The following IQCM variants were observed in gnomAD, a reference collection of about 807,000 sequenced individuals.
IQCM encodes the protein IQ domain-containing protein M.
Under a neutral mutation model 57.6 loss-of-function variants are expected in IQCM, and 45 were observed. That is an observed-to-expected ratio of 0.78 (90% CI 0.62 to 1.00). The LOEUF is 1.00. IQCM is among the 50% of genes least tolerant of loss of function. The probability of loss-of-function intolerance (pLI) is 0.00; values close to 1 mark genes in which losing one functional copy is unlikely to be tolerated. For missense variants in IQCM, 468 were observed against 511.6 expected (o/e 0.91, Z 0.82); for synonymous variants, 148 against 158.9 (o/e 0.93, Z 0.51).
intron 7 of IQCM, among the ~76,000 whole-genome samples, chr4:149,654,086 T>C (rs2150139498): frequency 6.6e-6 from 1 of 152,336 alleles, no homozygotes; most frequent in East Asian, 1.9e-4. Flanking sequence ...CGGATACGAA[T>C]ATCCTCATTC....
At chr4:149,583,052 C>T (rs913011432) in intron 9 of IQCM, among the ~76,000 whole-genome samples, 1 of 151,468 alleles carries the variant, frequency 6.6e-6, no homozygotes, top group East Asian at 1.9e-4. Context: ...GTACCATATG[C>T]CACTATATCA....
chr4:149,746,833 G>A (rs188273058), intron 2 of IQCM, among the ~76,000 whole-genome samples: 14 of 152,212 alleles, frequency 9.2e-5, no homozygotes, highest in East Asian at 3.9e-4. Flanking sequence ...GCAAGAGTTC[G>A]TGCCTCCCTC....
intron 13 of IQCM, among the ~76,000 whole-genome samples, chr4:149,411,312 T>C (rs1028991706): frequency 1.3e-5 from 2 of 152,122 alleles, no homozygotes; most frequent in Admixed American, 1.3e-4. Flanking sequence ...GAAAACAGAA[T>C]TGTTTAACAG....
chr4:149,610,493 A>G (rs2150051685), intron 8 of IQCM, among the ~76,000 whole-genome samples: 1 of 152,244 alleles, frequency 6.6e-6, no homozygotes, highest in Admixed American at 6.5e-5. Context: ...AGCTATGGTA[A>G]CATAAACAGC....
intron 12 of IQCM, among the ~76,000 whole-genome samples, chr4:149,540,298 T>C (rs1402632606): frequency 1.3e-5 from 2 of 149,180 alleles, no homozygotes; most frequent in African/African-American, 5.0e-5. Context: ...TAAAGTGATC[T>C]AGTATGTGGG....
chr4:149,789,130 A>G lies in IQCM; in HGVS notation c.-49+26181T>C, dbSNP rs566815378. 2.6e-5 allele frequency among the ~76,000 whole-genome samples: 4 copies of G among 152,338 alleles called. No homozygotes were observed. The South Asian group carries it at 6.2e-4, about 24-fold the overall frequency. On this transcript the variant is annotated intron_variant, in intron 2 of 13. Transcript: ENST00000636793. ...TTAACAACAATGTATGGTATATTTCAAAATGGCTAGAAGAGAGGGCTTAAA... is the reference window on the plus strand; with the variant it reads ...TTAACAACAATGTATGGTATATTTCGAAATGGCTAGAAGAGAGGGCTTAAA...
intron 9 of IQCM, among the ~76,000 whole-genome samples, chr4:149,580,580 T>C (rs1404628361): frequency 6.6e-6 from 1 of 151,872 alleles, no homozygotes; most frequent in Non-Finnish European, 1.5e-5. Flanking sequence ...GTAGGCAATT[T>C]TCAAGGTTCT....
chr4:149,439,598 G>A (rs951179645), intron 12 of IQCM, among the ~76,000 whole-genome samples: 2 of 151,910 alleles, frequency 1.3e-5, no homozygotes, highest in Admixed American at 6.6e-5. Context: ...TCTGTGTACT[G>A]GAAATAATAC....
At position 149,476,587 on chromosome 4, in the gene IQCM, T is replaced by C. The variant is rs188051331; in HGVS notation, c.1229-43030A>G. Among the ~76,000 whole-genome samples, 18 of 152,228 alleles carry C rather than the reference T, an allele frequency of 1.2e-4. No homozygotes were observed. The East Asian group carries it at 3.5e-3, about 29-fold the overall frequency. On this transcript the variant is annotated intron_variant, in intron 12 of 13. Coordinates refer to ENST00000636793, the MANE Select transcript of IQCM (RefSeq NM_001363507.2). ...CTTGTAAAAGTAATAGAAGTTTGTA[T>C]TAATACATTCTTTGTAAACTGGAAA...
chr4:149,494,612 G>T (rs1742455982), intron 12 of IQCM, among the ~76,000 whole-genome samples: 1 of 152,012 alleles, frequency 6.6e-6, no homozygotes, highest in African/African-American at 2.4e-5. Context: ...AATAAAACAG[G>T]GCAAGCCTTC....
At chr4:149,752,494 G>A (rs2149938733) in intron 2 of IQCM, among the ~76,000 whole-genome samples, 2 of 149,870 alleles carry the variant, frequency 1.3e-5, no homozygotes, top group Middle Eastern at 6.9e-3. Context: ...AGAGGTTCTA[G>A]TGAGCCGAGA....
chr4:149,606,181 T>C (rs981019721), intron 8 of IQCM, among the ~76,000 whole-genome samples: 1 of 151,952 alleles, frequency 6.6e-6, no homozygotes, highest in South Asian at 2.1e-4. Context: ...ATAATGCCAT[T>C]TGTGATGGCC....
chr4:149,497,088 T>C (rs1742734684), intron 12 of IQCM, among the ~76,000 whole-genome samples: 1 of 152,088 alleles, frequency 6.6e-6, no homozygotes, highest in Non-Finnish European at 1.5e-5. Flanking sequence ...AATTTCGCCC[T>C]CTGTCTCTCC....
rs376339486 is a variant in IQCM, at chr4:149,461,860, G to A, written c.1229-28303C>T. Among the ~76,000 whole-genome samples the A allele has an allele frequency of 4.0e-5, 6 of 151,568 alleles. No individual in the cohort carries two copies. In the East Asian group the frequency reaches 5.8e-4, roughly 15 times the overall value. On this transcript the variant is annotated intron_variant, in intron 12 of 13. Transcript: ENST00000636793. Reference sequence around the variant, plus strand: ...GTGTATATATATATATAAATATCCTGACACTATATCTGGCAGTATGGATCA... The same window carrying A: ...GTGTATATATATATATAAATATCCTAACACTATATCTGGCAGTATGGATCA...
At chr4:149,529,288 C>A (rs1343150521) in intron 12 of IQCM, among the ~76,000 whole-genome samples, 2 of 152,192 alleles carry the variant, frequency 1.3e-5, no homozygotes, top group Non-Finnish European at 2.9e-5. Flanking sequence ...TGATCTCAAA[C>A]TCCTGACCTC....
intron 2 of IQCM, among the ~76,000 whole-genome samples, chr4:149,785,891 G>A (rs559796887): frequency 1.3e-5 from 2 of 151,546 alleles, no homozygotes; most frequent in South Asian, 4.2e-4. Context: ...CCTGCTTGAT[G>A]TAGTTTGTTG....
At chr4:149,689,938 AG>A (rs1194469601) in intron 5 of IQCM, among the ~76,000 whole-genome samples, 1 of 152,170 alleles carries the variant, frequency 6.6e-6, no homozygotes, top group East Asian at 1.9e-4. Context: ...TGCAGTGATC[AG>A]GGAACACTTC....
chr4:149,486,618 C>T (rs1741545211), intron 12 of IQCM, among the ~76,000 whole-genome samples: 1 of 152,134 alleles, frequency 6.6e-6, no homozygotes, highest in Admixed American at 6.5e-5. Context: ...TGGTGGTGTG[C>T]ACCTGTAATC....
At chr4:149,383,497 ATTAAG>A (rs1233006607) in intron 13 of IQCM, among the ~76,000 whole-genome samples, 11 of 152,166 alleles carry the variant, frequency 7.2e-5, no homozygotes, top group African/African-American at 1.9e-4. Flanking sequence ...TAAGTGTATA[ATTAAG>A]TTATGTCACA....
Sources: gnomAD v4.1 joint callset for allele counts (sites outside exome capture counted in the v4.1 genomes callset) on GRCh38, gnomAD v4.1.1 for gene constraint, MANE v1.5 for transcripts, NCBI Gene and HGNC (gene_info 2026-07-23, HGNC 2026-07-21) for gene names.